The following SOX5 variants were observed in gnomAD, a reference collection of about 807,000 sequenced individuals.
SOX5 encodes the protein SRY-box transcription factor 5, also known as transcription factor SOX-5.
Under a neutral mutation model 92.0 loss-of-function variants are expected in SOX5, and 9 were observed. That is an observed-to-expected ratio of 0.10 (90% confidence interval 0.06 to 0.17). SOX5 has a LOEUF of 0.17. Ranked by LOEUF, SOX5 falls within the 10% of genes least tolerant of loss-of-function variation. SOX5 has a pLI of 1.00. For synonymous variants in SOX5, 344 were observed against 336.3 expected, an observed-to-expected ratio of 1.02 and a Z score of -0.25; for missense variants, 642 against 944.5, an observed-to-expected ratio of 0.68 and a Z score of 4.20.
At chr12:24,003,682 T>TA (rs1951849359) in intron 4 of SOX5, among the ~76,000 whole-genome samples, 1 of 151,564 alleles carries the variant, frequency 6.6e-6, no homozygotes, top group Admixed American at 6.6e-5. Flanking sequence ...TCCATGTTCA[T>TA]AGACTGTAAA....
At chr12:23,551,160 A>G (rs1345069385) in intron 11 of SOX5, among the ~76,000 whole-genome samples, 1 of 152,014 alleles carries the variant, frequency 6.6e-6, no homozygotes, top group Non-Finnish European at 1.5e-5. Context: ...AGTAACAGTT[A>G]AACCTCTTCT....
At chr12:23,705,146 A>G (rs2091226046) in intron 6 of SOX5, among the ~76,000 whole-genome samples, 1 of 152,126 alleles carries the variant, frequency 6.6e-6, no homozygotes, top group African/African-American at 2.4e-5. Flanking sequence ...GTAACTTTCA[A>G]ATCTCAGCTG....
At chr12:23,992,886 T>C (rs1035708696) in intron 4 of SOX5, among the ~76,000 whole-genome samples, 3 of 152,214 alleles carry the variant, frequency 2.0e-5, no homozygotes, top group Non-Finnish European at 4.4e-5. Flanking sequence ...GACAAGACTC[T>C]ATGCTGGCAT....
At chr12:24,346,462 T>C (rs1431544441) in intron 2 of SOX5, among the ~76,000 whole-genome samples, 1 of 151,638 alleles carries the variant, frequency 6.6e-6, no homozygotes, top group East Asian at 1.9e-4. Context: ...ACTTTTTTTT[T>C]TTTTTTTGAG....
At chr12:23,973,581 A>G (rs1948596188) in intron 4 of SOX5, among the ~76,000 whole-genome samples, 1 of 152,326 alleles carries the variant, frequency 6.6e-6, no homozygotes, top group South Asian at 2.1e-4. Flanking sequence ...TGTTTTGTAA[A>G]TATACAGTGA....
chr12:23,548,354 ATAAG>A (rs752423754), intron 11 of SOX5, among the ~76,000 whole-genome samples: 31 of 152,084 alleles, frequency 2.0e-4, no homozygotes, highest in Non-Finnish European at 1.8e-4. Context: ...AGTTTTTACA[ATAAG>A]TAACCTATAA....
intron 1 of SOX5, among the ~76,000 whole-genome samples, chr12:24,543,910 T>C (rs1409069909): frequency 1.3e-5 from 2 of 152,208 alleles, no homozygotes; most frequent in East Asian, 1.9e-4. Context: ...TTTTAACTTA[T>C]GAACTATATT....
intron 2 of SOX5, among the ~76,000 whole-genome samples, chr12:23,880,381 T>C (rs753925561): frequency 6.6e-6 from 1 of 152,194 alleles, no homozygotes; most frequent in African/African-American, 2.4e-5. Flanking sequence ...TTGACTCAAA[T>C]TCCAATAGCA....
chr12:24,150,301 G>A (rs1951525605), intron 4 of SOX5, among the ~76,000 whole-genome samples: 1 of 152,134 alleles, frequency 6.6e-6, no homozygotes, highest in Non-Finnish European at 1.5e-5. Flanking sequence ...GTCAGAAGGT[G>A]CTAAATAAAT....
intron 2 of SOX5, among the ~76,000 whole-genome samples, chr12:23,873,989 C>A (rs1191074506): frequency 6.6e-6 from 1 of 152,152 alleles, no homozygotes; most frequent in African/African-American, 2.4e-5. Context: ...CTGTGAGACT[C>A]CTTGCAGTGG....
intron 4 of SOX5, among the ~76,000 whole-genome samples, chr12:24,075,103 A>C (rs1397313895): frequency 6.6e-6 from 1 of 151,410 alleles, no homozygotes; most frequent in Non-Finnish European, 1.5e-5. Context: ...CTCTACAAAA[A>C]ATAAAAAAAA....
At chr12:24,215,602 T>A (rs1026609735) in intron 3 of SOX5, among the ~76,000 whole-genome samples, 1 of 152,070 alleles carries the variant, frequency 6.6e-6, no homozygotes, top group Non-Finnish European at 1.5e-5. Context: ...AATTAAAGAA[T>A]ATCTAAAAAA....
intron 3 of SOX5, among the ~76,000 whole-genome samples, chr12:23,791,800 T>C (rs932373451): frequency 6.6e-6 from 1 of 151,976 alleles, no homozygotes; most frequent in Non-Finnish European, 1.5e-5. Flanking sequence ...ATAAGTGAAA[T>C]ACTGAAACTC....
intron 1 of SOX5, among the ~76,000 whole-genome samples, chr12:24,508,926 T>G (rs1949050178): frequency 6.6e-6 from 1 of 152,082 alleles, no homozygotes; most frequent in Non-Finnish European, 1.5e-5. Flanking sequence ...CAAGAAAGAA[T>G]GAGGTGTCAA....
At chr12:24,446,303 C>CA (rs796383188) in intron 1 of SOX5, among the ~76,000 whole-genome samples, 3 of 151,828 alleles carry the variant, frequency 2.0e-5, no homozygotes, top group Non-Finnish European at 4.4e-5. Flanking sequence ...GATTGGGTGG[C>CA]AAAAAAATGC....
In SOX5 at chr12:23,531,585, AAGACAG is replaced by A. The variant is rs1344530201; in HGVS notation, c.*2628_*2633del. On this transcript the variant is annotated 3_prime_UTR_variant, in exon 15 of 15. Coordinates refer to ENST00000451604, the MANE Select transcript of SOX5 (RefSeq NM_006940.6). ...ATAAATCGGAAGGAATTTGTTAACA[AAGACAG>A]AGAACAAATTTTTTAAAAATCTGTT... The A allele has an allele frequency of 6.6e-6, 1 of 152,220 alleles. No homozygotes were observed. Among genetic ancestry groups the A allele is most frequent in the Non-Finnish European group, 1.5e-5 (1 of 68,030 alleles). The allele number at this position is 152,220 out of a possible 1,614,324, so 9.4% of individuals were successfully genotyped here.
intron 6 of SOX5, among the ~76,000 whole-genome samples, chr12:23,668,248 A>G (rs2084167736): frequency 6.6e-6 from 1 of 152,228 alleles, no homozygotes; most frequent in Non-Finnish European, 1.5e-5. Context: ...AAAAACACAC[A>G]CAAAACAAAG....
intron 6 of SOX5, among the ~76,000 whole-genome samples, chr12:23,718,453 A>T (rs2092631578): frequency 6.6e-6 from 1 of 152,214 alleles, no homozygotes; most frequent in South Asian, 2.1e-4. Context: ...CAACATCTTA[A>T]GGTTCATAAT....
At chr12:23,569,770 A>G (rs1348995556) in intron 10 of SOX5, among the ~76,000 whole-genome samples, 1 of 152,180 alleles carries the variant, frequency 6.6e-6, no homozygotes, top group Non-Finnish European at 1.5e-5. Context: ...CCCTTCTGTG[A>G]GAACTTCTCT....
Sources: gnomAD v4.1 joint callset for allele counts (sites outside exome capture counted in the v4.1 genomes callset) on GRCh38, gnomAD v4.1.1 for gene constraint, MANE v1.5 for transcripts, NCBI Gene and HGNC (gene_info 2026-07-23, HGNC 2026-07-21) for gene names.